The following DPP6 variants were observed in gnomAD, a reference collection of about 807,000 sequenced individuals.
DPP6 encodes the protein A-type potassium channel modulatory protein DPP6.
A neutral mutation model predicts 122.6 loss-of-function variants in DPP6; 69 were observed. The observed-to-expected ratio is 0.56, with a 90% CI of 0.46 to 0.69. DPP6 has a LOEUF of 0.69. Ranked by LOEUF, DPP6 falls within the 30% of genes least tolerant of loss-of-function variation. The pLI is 0.00. For missense variants in DPP6, 928 were observed against 1,116.9 expected, an observed-to-expected ratio of 0.83 and a Z score of 2.41; for synonymous variants, 418 against 433.1, an observed-to-expected ratio of 0.97 and a Z score of 0.43.
chr7:154,222,355 T>C (rs967676189), intron 1 of DPP6, among the ~76,000 whole-genome samples: 1 of 152,098 alleles, frequency 6.6e-6, no homozygotes, highest in African/African-American at 2.4e-5. Context: ...AATGAGCAGA[T>C]GAAAATAATC....
At chr7:153,966,129 A>G (rs2129030925) in intron 1 of DPP6, among the ~76,000 whole-genome samples, 1 of 100,492 alleles carries the variant, frequency 1.0e-5, no homozygotes, top group Non-Finnish European at 2.1e-5. Context: ...AAGACGAATC[A>G]TGAAAGCGAC....
At chr7:154,633,324 C>T (rs999471391) in intron 5 of DPP6, among the ~76,000 whole-genome samples, 2 of 152,190 alleles carry the variant, frequency 1.3e-5, no homozygotes, top group Non-Finnish European at 2.9e-5. Flanking sequence ...GCAACCTCCG[C>T]CTCCTGGGTT....
At chr7:154,062,881 A>G (rs531709499) in intron 1 of DPP6, among the ~76,000 whole-genome samples, 3 of 128,146 alleles carry the variant, frequency 2.3e-5, no homozygotes, top group East Asian at 4.8e-4. Context: ...TAGGACCCCC[A>G]TCGTTGATCC....
chr7:154,339,738 G>A (rs953547516), intron 1 of DPP6, among the ~76,000 whole-genome samples: 1 of 152,096 alleles, frequency 6.6e-6, no homozygotes, highest in Admixed American at 6.6e-5. Flanking sequence ...AAGTGCCTTG[G>A]AATGCACTTG....
At chr7:154,157,815 C>T (rs1038728894) in intron 1 of DPP6, among the ~76,000 whole-genome samples, 1 of 151,908 alleles carries the variant, frequency 6.6e-6, no homozygotes, top group East Asian at 1.9e-4. Flanking sequence ...TGCCTGTAAT[C>T]CCAACTACTC....
rs751605723 is a variant in DPP6 at position 154,821,645 on chromosome 7, T to TAC, written c.1666+14537_1666+14538dup. Among the ~76,000 whole-genome samples the TAC allele has an allele frequency of 3.6e-4, 41 of 115,152 alleles. No individual in the cohort carries two copies. Among genetic ancestry groups the TAC allele is most frequent in the African/African-American group, 1.1e-3 (29 of 26,150 alleles). The allele number at this position is 115,152 out of a possible 152,430, so 75.5% of individuals were successfully genotyped here. ...TTTTTTCTGTATATATATATATATA[T>TAC]ACACATATATATATATATACACATA... On this transcript the variant is annotated intron_variant, in intron 16 of 25. Transcript: ENST00000377770. The surrounding 1 kb of genome is among the most constrained non-coding windows in gnomAD (Gnocchi z 4.2).
intron 1 of DPP6, among the ~76,000 whole-genome samples, chr7:154,002,432 G>C (rs2907718): frequency 1.7e-3 from 261 of 152,322 alleles, no homozygotes; most frequent in Middle Eastern, 0.017. Flanking sequence ...AAGGATAAAA[G>C]CTTTCTCAAC....
chr7:153,957,387 G>A (rs1243927645), intron 1 of DPP6, among the ~76,000 whole-genome samples: 3 of 152,212 alleles, frequency 2.0e-5, no homozygotes, highest in African/African-American at 7.2e-5. Context: ...GTATAGATGA[G>A]AGAGCATAGG....
chr7:154,707,887 A>C (rs548269214), intron 7 of DPP6, among the ~76,000 whole-genome samples: 118 of 152,278 alleles, frequency 7.7e-4, no homozygotes, highest in Non-Finnish European at 1.2e-3. Context: ...AAACCATCAG[A>C]TCTCCCAACA....
intron 1 of DPP6, among the ~76,000 whole-genome samples, chr7:154,237,984 G>C (rs149806515): frequency 2.0e-5 from 3 of 152,346 alleles, no homozygotes; most frequent in African/African-American, 7.2e-5. Flanking sequence ...GTGTCTGAGA[G>C]AGGATCCCAG....
At chr7:153,840,001 G>A in the DPP6 span, among the ~76,000 whole-genome samples, 1 of 152,154 alleles carries the variant, frequency 6.6e-6, no homozygotes, top group African/African-American at 2.4e-5. Flanking sequence ...TTTTGGCTTT[G>A]TCCAACAATG....
intron 1 of DPP6, among the ~76,000 whole-genome samples, chr7:154,086,920 G>T (rs960757192): frequency 1.3e-5 from 2 of 152,216 alleles, no homozygotes; most frequent in African/African-American, 4.8e-5. Context: ...CAGTGAAGAA[G>T]CCAGGGATCT....
At position 153,910,509 on chromosome 7, in the gene DPP6, C is replaced by T. The variant is rs866299955; in HGVS notation, c.51+22775C>T. On this transcript the variant is annotated intron_variant, in intron 1 of 25. Coordinates refer to the DPP6 transcript ENST00000404039. ...CCAGGGCTCAAGCATCATTCTTCTG[C>T]CTTTTCCTAGATGGCCTCATTCATC... Among the ~76,000 whole-genome samples the T allele has an allele frequency of 4.3e-4, 66 of 152,216 alleles. 1 individual carries two copies. The highest frequency in any genetic ancestry group is 3.4e-3 in the Middle Eastern group (1 of 294).
chr7:153,980,220 C>T (rs39139), intron 1 of DPP6, among the ~76,000 whole-genome samples: 27,910 of 151,962 alleles, frequency 0.18, 2,952 homozygotes, highest in East Asian at 0.37. Flanking sequence ...TATCAATTTC[C>T]GAACTTGTTA....
At chr7:154,072,647 C>G (rs535553235) in intron 1 of DPP6, among the ~76,000 whole-genome samples, 2 of 152,284 alleles carry the variant, frequency 1.3e-5, no homozygotes, top group African/African-American at 4.8e-5. Flanking sequence ...GGCTCTTGCA[C>G]GCAAGTGTGG....
intron 1 of DPP6, among the ~76,000 whole-genome samples, chr7:154,082,846 C>CTTTTTTTTT (rs1174987723): frequency 2.8e-5 from 3 of 106,276 alleles, no homozygotes; most frequent in Admixed American, 9.3e-5. Flanking sequence ...TTTTCTTTTT[C>CTTTTTTTTT]TTTTTTTTTT....
chr7:154,241,186 T>TGCGC lies in DPP6; in HGVS notation c.243+188124_243+188125insCGCG, dbSNP rs767081629. On this transcript the variant is annotated intron_variant, in intron 1 of 25. Transcript: ENST00000377770. The surrounding 1 kb of genome is among the most constrained non-coding windows in gnomAD (Gnocchi z 9.0). ...CACAGTAGGTAATTCAATATCAATA[T>TGCGC]GTGTGTGTGTGTGTGTGTGTGTGTG... 0.012 allele frequency among the ~76,000 whole-genome samples: 319 copies of TGCGC among 25,756 alleles called. 2 individuals carry two copies. Among genetic ancestry groups the TGCGC allele is most frequent in the African/African-American group, 0.023 (300 of 12,926 alleles). The allele number at this position is 25,756 out of a possible 152,430, so 16.9% of individuals were successfully genotyped here.
chr7:153,767,364 G>A, the DPP6 span, among the ~76,000 whole-genome samples: 1 of 152,012 alleles, frequency 6.6e-6, no homozygotes, highest in African/African-American at 2.4e-5. Flanking sequence ...AAAAAAGTGA[G>A]AAACTTTTTG....
At chr7:154,152,866 T>C (rs1796492745) in intron 1 of DPP6, among the ~76,000 whole-genome samples, 2 of 152,190 alleles carry the variant, frequency 1.3e-5, no homozygotes, top group African/African-American at 2.4e-5. Flanking sequence ...CTTGCCGGAG[T>C]TGGAAGACTG....
Sources: allele counts gnomAD v4.1 joint callset (sites outside exome capture counted in the v4.1 genomes callset), GRCh38; gene constraint gnomAD v4.1.1; non-coding constraint Gnocchi (gnomAD v3.1); transcripts MANE v1.5; gene names NCBI Gene and HGNC (gene_info 2026-07-23, HGNC 2026-07-21).